Variants in SLC9C1 observed in about 807,000 individuals in gnomAD.
The protein encoded by SLC9C1 is sodium/hydrogen exchanger 10.
In SLC9C1, 97 loss-of-function variants were observed where a neutral mutation model predicts 140.9. The ratio of observed to expected loss-of-function variants is 0.69; its 90% CI spans 0.58 to 0.82. The LOEUF (loss-of-function observed/expected upper bound fraction) is 0.82, where lower values mean the gene tolerates loss of function less well. Ranked by LOEUF, SLC9C1 falls within the 40% of genes least tolerant of loss-of-function variation. The pLI is 0.00. For missense variants in SLC9C1, 1,340 were observed against 1,389.3 expected, an observed-to-expected ratio of 0.96 and a Z score of 0.56; for synonymous variants, 440 against 442.6, an observed-to-expected ratio of 0.99 and a Z score of 0.07.
chr3:112,226,825 GAAGT>G (rs758255622), intron 13 of SLC9C1, among the ~76,000 whole-genome samples: 2 of 151,724 alleles, frequency 1.3e-5, no homozygotes, highest in Non-Finnish European at 2.9e-5. Context: ...GTCAAGGAAA[GAAGT>G]AATAAAAATC....
At chr3:112,180,007 C>T (rs145197822) in intron 22 of SLC9C1, among the ~76,000 whole-genome samples, 298 of 152,178 alleles carry the variant, frequency 2.0e-3, no homozygotes, top group African/African-American at 6.4e-3. Flanking sequence ...AATTGTCCAT[C>T]GTGAAAGATA....
chr3:112,208,022 A>G (rs763394594), intron 16 of SLC9C1, among the ~76,000 whole-genome samples, 156 bp downstream of exon 16: 2 of 152,230 alleles, frequency 1.3e-5, no homozygotes, highest in African/African-American at 2.4e-5. Flanking sequence ...TTGAGTTACT[A>G]TAAAAATCAC....
At chr3:112,223,956 C>T (rs1299891333) in intron 13 of SLC9C1, among the ~76,000 whole-genome samples, 1 of 152,182 alleles carries the variant, frequency 6.6e-6, no homozygotes, top group Non-Finnish European at 1.5e-5. Context: ...GTGAGCTGAG[C>T]TGCTGGCTAA....
At chr3:112,183,102 G>A (rs1036024310) in intron 20 of SLC9C1, among the ~76,000 whole-genome samples, 1 of 152,012 alleles carries the variant, frequency 6.6e-6, no homozygotes, top group Non-Finnish European at 1.5e-5. Flanking sequence ...TTGAGTATAT[G>A]GTTATCTAAT....
intron 1 of SLC9C1, among the ~76,000 whole-genome samples, chr3:112,289,515 G>C (rs1006753616): frequency 1.3e-5 from 2 of 152,168 alleles, no homozygotes; most frequent in Non-Finnish European, 2.9e-5. Flanking sequence ...GAGGGTGTTT[G>C]GTGTTGTATA....
At chr3:112,253,184 C>G (rs1393122943) in intron 10 of SLC9C1, among the ~76,000 whole-genome samples, 3 of 152,210 alleles carry the variant, frequency 2.0e-5, no homozygotes, top group African/African-American at 7.2e-5. Context: ...ACCTGCATCT[C>G]TCTGGGGTAG....
chr3:112,187,099 G>A (rs1169262182), intron 20 of SLC9C1, among the ~76,000 whole-genome samples: 1 of 152,142 alleles, frequency 6.6e-6, no homozygotes, highest in Non-Finnish European at 1.5e-5. Flanking sequence ...AAGAGCCTGA[G>A]TTCTGGGATC....
chr3:112,190,812 A>T (rs1421780939), intron 20 of SLC9C1, among the ~76,000 whole-genome samples: 1 of 151,896 alleles, frequency 6.6e-6, no homozygotes, highest in Non-Finnish European at 1.5e-5. Flanking sequence ...TGCTATCAGT[A>T]CTTTGTGTGT....
At position 112,208,242 on chromosome 3, in the gene SLC9C1, T is replaced by C. The variant is rs747262383; in HGVS notation, c.1922A>G (p.His641Arg). ...SWISQLNVIYHSELKHTNYCF... is the reference protein window; with the variant it reads ...SWISQLNVIYRSELKHTNYCF... ...GTAGTTAGTGTGTTTTAATTCGCTGTGGTAGATTACATTTAACTGGGATAT... is the reference window on the plus strand; with the variant it reads ...GTAGTTAGTGTGTTTTAATTCGCTGCGGTAGATTACATTTAACTGGGATAT... Residue 641 changes from histidine (H) to arginine (R), a missense_variant, in exon 16 of 29, where the codon CAC becomes CGC. By Grantham distance (29) the His-to-Arg change is conservative. Coordinates refer to ENST00000305815, the MANE Select transcript of SLC9C1 (RefSeq NM_183061.3). 1.9e-6 allele frequency: 3 copies of C among 1,611,950 alleles called. No homozygotes were observed. Among genetic ancestry groups the C allele is most frequent in the South Asian group, 2.2e-5 (2 of 90,842 alleles).
chr3:112,263,020 C>T lies in SLC9C1; in HGVS notation c.1101G>A (p.Met367Ile). Reference sequence around the variant, plus strand: ...GCATCCCCTTCATTTCACTACAGACCATTATGAATATCCAGCGCCAACTGA... The same window carrying T: ...GCATCCCCTTCATTTCACTACAGACTATTATGAATATCCAGCGCCAACTGA... The part of the protein sequence containing the change: ...HEFSWRWIFI[M>I]VCSEMKGMPN... Residue 367 changes from methionine (M) to isoleucine (I), a missense_variant, in exon 10 of 29, where the codon ATG becomes ATA. Coordinates refer to ENST00000305815, the MANE Select transcript of SLC9C1 (RefSeq NM_183061.3). The T allele has an allele frequency of 6.2e-7, 1 of 1,607,770 alleles. No individual in the cohort carries two copies. The highest frequency in any genetic ancestry group is 8.5e-7 in the Non-Finnish European group (1 of 1,177,094).
At chr3:112,200,613 G>A in intron 19 of SLC9C1, 98 bp downstream of exon 19, 1 of 1,050,408 alleles carries the variant, frequency 9.5e-7, no homozygotes, top group Non-Finnish European at 1.4e-6. Context: ...TTAGTGAGTA[G>A]GTTTCCTCAA....
At chr3:112,283,257 A>G (rs1171700960) in intron 2 of SLC9C1, among the ~76,000 whole-genome samples, 1 of 152,144 alleles carries the variant, frequency 6.6e-6, no homozygotes, top group Non-Finnish European at 1.5e-5. Flanking sequence ...CCAAAGCAGA[A>G]GGATCCCTTG....
At chr3:112,222,257 TAGA>T (rs2078560948) in intron 13 of SLC9C1, among the ~76,000 whole-genome samples, 1 of 152,194 alleles carries the variant, frequency 6.6e-6, no homozygotes, top group Non-Finnish European at 1.5e-5. Flanking sequence ...AATTAGATAC[TAGA>T]AGATGTTAAC....
At chr3:112,241,334 T>TA (rs1356121981) in intron 11 of SLC9C1, among the ~76,000 whole-genome samples, 2 of 130,686 alleles carry the variant, frequency 1.5e-5, no homozygotes, top group Non-Finnish European at 3.3e-5. Context: ...ATTTTAAAAA[T>TA]AAAAAAGAAG....
chr3:112,233,395 C>T (rs2078888395), intron 12 of SLC9C1, among the ~76,000 whole-genome samples: 1 of 152,118 alleles, frequency 6.6e-6, no homozygotes, highest in Non-Finnish European at 1.5e-5. Flanking sequence ...AGCTCCAATA[C>T]ACAGCCTCCT....
chr3:112,216,116 T>C (rs1336624184), intron 15 of SLC9C1, among the ~76,000 whole-genome samples: 1 of 152,188 alleles, frequency 6.6e-6, no homozygotes, highest in Non-Finnish European at 1.5e-5. Context: ...AAGGATTCCC[T>C]ATTTAATAAA....
chr3:112,175,287 G>A (rs1296560339), intron 23 of SLC9C1, among the ~76,000 whole-genome samples: 2 of 152,156 alleles, frequency 1.3e-5, no homozygotes, highest in Non-Finnish European at 2.9e-5. Flanking sequence ...TGGAGGGTGC[G>A]AAACAGCAGA....
intron 10 of SLC9C1, among the ~76,000 whole-genome samples, chr3:112,251,736 C>T (rs560138651): frequency 2.2e-4 from 34 of 152,150 alleles, no homozygotes; most frequent in Admixed American, 1.7e-3. Flanking sequence ...GCCATTGTTG[C>T]CTTTAGTGCA....
Position 112,151,594 on chromosome 3 carries a change from T to C in SLC9C1, c.3524+263A>G, listed in dbSNP as rs555371444. On this transcript the variant is annotated intron_variant, in intron 28 of 28. Coordinates refer to ENST00000305815, the MANE Select transcript of SLC9C1 (RefSeq NM_183061.3). ...AACCTGCTAAATTGAGAGCAGCCAG[T>C]GTTGCATGTGAGATTAAGTGGCAGT... The C allele has an allele frequency of 7.0e-4, 363 of 520,430 alleles. 2 individuals carry two copies. Among genetic ancestry groups the C allele is most frequent in the Non-Finnish European group, 9.7e-4 (263 of 270,438 alleles). 32.2% of individuals were successfully genotyped at this position (520,430 alleles called of 1,614,324 possible). A position where few individuals can be genotyped will look rare whatever the true frequency, so the allele number is the denominator to read the frequency against.
Sources: allele counts gnomAD v4.1 joint callset (sites outside exome capture counted in the v4.1 genomes callset), GRCh38; gene constraint gnomAD v4.1.1; transcripts MANE v1.5; gene names NCBI Gene and HGNC (gene_info 2026-07-23, HGNC 2026-07-21).